RALGPS1: variants seen among roughly 807,000 people sequenced by gnomAD.
RALGPS1 encodes the protein Ral GEF with PH domain and SH3 binding motif 1.
Under a neutral mutation model 78.8 loss-of-function variants are expected in RALGPS1, and 19 were observed. That is an observed-to-expected ratio of 0.24 (90% CI 0.17 to 0.35). The LOEUF (loss-of-function observed/expected upper bound fraction) is 0.35. Ranked by LOEUF, RALGPS1 falls within the 10% of genes least tolerant of loss-of-function variation. RALGPS1 has a pLI of 1.00. For synonymous variants in RALGPS1, 228 were observed against 256.3 expected (o/e 0.89, Z 1.06); for missense variants, 454 against 688.3 (o/e 0.66, Z 3.81).
intron 4 of RALGPS1, among the ~76,000 whole-genome samples, chr9:126,996,327 G>A (rs2133376397): frequency 6.6e-6 from 1 of 152,140 alleles, no homozygotes; most frequent in East Asian, 1.9e-4. Context: ...TCAAATAGAT[G>A]CAATAAAAAA....
intron 8 of RALGPS1, among the ~76,000 whole-genome samples, chr9:127,113,774 C>G (rs1442756079): frequency 6.6e-6 from 1 of 152,232 alleles, no homozygotes; most frequent in Non-Finnish European, 1.5e-5. Context: ...GGGAGGCAGC[C>G]TCTCCAGGGC....
intron 4 of RALGPS1, among the ~76,000 whole-genome samples, chr9:126,981,693 T>C (rs1455571340): frequency 6.6e-6 from 1 of 152,232 alleles, no homozygotes; most frequent in Non-Finnish European, 1.5e-5. Flanking sequence ...GTCTTTGTTT[T>C]ATATATGAGG....
intron 4 of RALGPS1, among the ~76,000 whole-genome samples, chr9:126,980,350 CTTTCAACCCTGGCTGTG>C (rs2041126873): frequency 6.6e-6 from 1 of 152,172 alleles, no homozygotes; most frequent in African/African-American, 2.4e-5. Flanking sequence ...AGACTAGTGC[CTTTCAACCCTGGCTGTG>C]TTTCAACCCT....
At chr9:127,095,081 C>G (rs1174917902) in intron 8 of RALGPS1, among the ~76,000 whole-genome samples, 3 of 152,226 alleles carry the variant, frequency 2.0e-5, no homozygotes, top group African/African-American at 7.2e-5. Flanking sequence ...AAGAAAATCA[C>G]ATTTTGCTTC....
At position 127,049,395 on chromosome 9, in the gene RALGPS1, G is replaced by A. The variant is rs114347103; in HGVS notation, c.301-648G>A. ...AGAGGTCAAGCATGAATGGGCTTCT[G>A]AACCAAAGCTACCATCATACCCTTT... On this transcript the variant is annotated intron_variant, in intron 5 of 18. Coordinates refer to ENST00000259351, the MANE Select transcript of RALGPS1 (RefSeq NM_014636.3). 2.4e-3 allele frequency among the ~76,000 whole-genome samples: 370 copies of A among 152,216 alleles called. 3 individuals are homozygous for A. Among genetic ancestry groups the A allele is most frequent in the African/African-American group, 8.4e-3 (349 of 41,506 alleles).
chr9:127,144,247 C>T lies in RALGPS1; in HGVS notation c.611-21822C>T, dbSNP rs1474642902. Among the ~76,000 whole-genome samples, 4 of 152,328 alleles carry T rather than the reference C, an allele frequency of 2.6e-5. No individual in the cohort carries two copies. The East Asian group carries it at 7.7e-4, about 29-fold the overall frequency. Reference sequence around the variant, plus strand: ...ATCAGGTGACCGCTGGATCCCCACCCAGCATTAGCTCCTGGACCCGTAGTA... The same window carrying T: ...ATCAGGTGACCGCTGGATCCCCACCTAGCATTAGCTCCTGGACCCGTAGTA... On this transcript the variant is annotated intron_variant, in intron 8 of 18. Transcript: ENST00000259351.
At chr9:127,049,606 A>G (rs1281052650) in intron 5 of RALGPS1, among the ~76,000 whole-genome samples, 1 of 152,202 alleles carries the variant, frequency 6.6e-6, no homozygotes, top group African/African-American at 2.4e-5. Flanking sequence ...TATGGACCTC[A>G]CAAGTGTTCC....
chr9:127,082,750 AGTT>A (rs2051302442), intron 8 of RALGPS1, among the ~76,000 whole-genome samples: 2 of 152,052 alleles, frequency 1.3e-5, no homozygotes, highest in South Asian at 4.1e-4. Flanking sequence ...CACCTCGTAG[AGTT>A]GTTGTGAGAA....
intron 8 of RALGPS1, among the ~76,000 whole-genome samples, chr9:127,144,358 C>T (rs2057972910): frequency 6.6e-6 from 1 of 152,154 alleles, no homozygotes; most frequent in Non-Finnish European, 1.5e-5. Flanking sequence ...TACTTTGGGT[C>T]CTCATGATTT....
At chr9:127,078,260 G>T (rs2050854742) in intron 8 of RALGPS1, among the ~76,000 whole-genome samples, 1 of 152,146 alleles carries the variant, frequency 6.6e-6, no homozygotes, top group Admixed American at 6.5e-5. Context: ...TTCCAGAAGG[G>T]AAGAGATTGC....
intron 11 of RALGPS1, among the ~76,000 whole-genome samples, chr9:127,175,856 A>C (rs2059839510): frequency 1.3e-5 from 2 of 152,170 alleles, no homozygotes; most frequent in African/African-American, 4.8e-5. Context: ...CACCTCCCCT[A>C]GCCCGTTGAC....
chr9:126,960,242 T>TTTCTTCC (rs2038778562), intron 1 of RALGPS1, among the ~76,000 whole-genome samples: 4 of 26,592 alleles, frequency 1.5e-4, no homozygotes, highest in South Asian at 5.6e-3. Flanking sequence ...CCTTTCTTCC[T>TTTCTTCC]TTTTTTTTTT....
At chr9:127,089,263 G>A in intron 8 of RALGPS1, 1 of 981,712 alleles carries the variant, frequency 1.0e-6, no homozygotes, top group East Asian at 2.6e-5. Flanking sequence ...TTGAAAGGTG[G>A]ACCCGTCTCC....
intron 14 of RALGPS1, among the ~76,000 whole-genome samples, chr9:127,207,084 G>A (rs1300227777): frequency 1.3e-5 from 2 of 151,964 alleles, no homozygotes; most frequent in Non-Finnish European, 2.9e-5. Context: ...GGCACCCATT[G>A]TCTCATCACC....
At chr9:127,056,055 G>T (rs1251424616) in intron 7 of RALGPS1, among the ~76,000 whole-genome samples, 1 of 152,196 alleles carries the variant, frequency 6.6e-6, no homozygotes, top group Non-Finnish European at 1.5e-5. Context: ...TGATTCCTTG[G>T]ATTGATTGTT....
rs1408649050 is a variant in RALGPS1 at position 126,932,714 on chromosome 9, CAT to C, written c.-66+17740_-66+17741del. 2.6e-5 allele frequency among the ~76,000 whole-genome samples: 4 copies of C among 151,922 alleles called. No individual in the cohort carries two copies. The East Asian group carries it at 7.7e-4, about 29-fold the overall frequency. On this transcript the variant is annotated intron_variant, in intron 1 of 18. Transcript: ENST00000259351. ...CATTATAAAACAAAATGTTATAAAACATTTTTATAAAACAAAAATGTTATAAA... is the reference window on the plus strand; with the variant it reads ...CATTATAAAACAAAATGTTATAAAACTTTTATAAAACAAAAATGTTATAAA...
chr9:127,097,779 C>G (rs1445545327), intron 8 of RALGPS1, among the ~76,000 whole-genome samples: 1 of 152,204 alleles, frequency 6.6e-6, no homozygotes, highest in African/African-American at 2.4e-5. Context: ...GGAGGAAGAC[C>G]TGGCTGAGGA....
At chr9:127,168,628 G>A (rs1420611302) in intron 9 of RALGPS1, 51 bp from the exon 10 acceptor site, 1 of 1,212,692 alleles carries the variant, frequency 8.2e-7, no homozygotes, top group South Asian at 1.2e-5. Context: ...TCATCTGGGG[G>A]CCTAAAGATG....
intron 4 of RALGPS1, among the ~76,000 whole-genome samples, chr9:126,980,730 A>G (rs2041169718): frequency 6.6e-6 from 1 of 152,164 alleles, no homozygotes; most frequent in Non-Finnish European, 1.5e-5. Flanking sequence ...AATATTAACC[A>G]TGGACCCTGT....
Sources: allele counts gnomAD v4.1 joint callset (sites outside exome capture counted in the v4.1 genomes callset), GRCh38; gene constraint gnomAD v4.1.1; transcripts MANE v1.5; gene names NCBI Gene and HGNC (gene_info 2026-07-23, HGNC 2026-07-21).